NLRP11: variants seen among roughly 807,000 people sequenced by gnomAD.
The protein encoded by NLRP11 is NACHT, LRR and PYD domains-containing protein 11.
In NLRP11, 53 loss-of-function variants were observed where a neutral mutation model predicts 79.3. That is an observed-to-expected ratio of 0.67 (90% confidence interval 0.54 to 0.84). NLRP11 has a LOEUF of 0.84. NLRP11 is among the 40% of genes least tolerant of loss of function. NLRP11 has a pLI of 0.00. For synonymous variants in NLRP11, 518 were observed against 462.6 expected, an observed-to-expected ratio of 1.12 and a Z score of -1.54; for missense variants, 1,264 against 1,255.0, an observed-to-expected ratio of 1.01 and a Z score of -0.11.
At position 55,817,978 on chromosome 19, in the gene NLRP11, C is replaced by T; in HGVS notation, c.197G>A (p.Trp66Ter). ...TGAAAATATGCTGAAGAGCATATTCCATATATACTGTCCCTCATAAGAGAT... is the reference window on the plus strand; with the variant it reads ...TGAAAATATGCTGAAGAGCATATTCTATATATACTGTCCCTCATAAGAGAT... The change falls in exon 2 of 10, where the codon TGG becomes TAG. Residue 66 changes from tryptophan to a stop codon, truncating the protein, a stop_gained. Transcript: ENST00000589093. LOFTEE classifies it high-confidence loss of function. The T allele has an allele frequency of 6.2e-7, 1 of 1,610,528 alleles. No homozygotes were observed.
chr19:55,811,970 T>TACACACACACACACAC (rs3973377), intron 2 of NLRP11, among the ~76,000 whole-genome samples: 62 of 149,212 alleles, frequency 4.2e-4, no homozygotes, highest in South Asian at 3.4e-3. Context: ...TTCACACATG[T>TACACACACACACACAC]ACACACACAC....
intron 5 of NLRP11, among the ~76,000 whole-genome samples, chr19:55,796,815 A>G (rs1003047788): frequency 4.0e-5 from 6 of 151,678 alleles, no homozygotes; most frequent in Non-Finnish European, 8.8e-5. Context: ...CGGCCTCCCG[A>G]GTAGCTGGGA....
rs1437902247 is a variant in NLRP11, at chr19:55,823,394, C to T, written c.-62-5158G>A. 1.4e-4 allele frequency among the ~76,000 whole-genome samples: 19 copies of T among 138,230 alleles called. 2 individuals carry two copies. The highest frequency in any genetic ancestry group is 5.1e-4 in the Admixed American group (7 of 13,766). The allele number at this position is 138,230 out of a possible 152,430, so 90.7% of individuals were successfully genotyped here. On this transcript the variant is annotated intron_variant, in intron 1 of 9. Coordinates refer to ENST00000589093, the Ensembl canonical transcript of NLRP11. ...AAGGAACGCAGTTCCTCCCCAGAAACGGAACAAAGCTGGATGGAGAATGAC... is the reference window on the plus strand; with the variant it reads ...AAGGAACGCAGTTCCTCCCCAGAAATGGAACAAAGCTGGATGGAGAATGAC...
intron 9 of NLRP11, among the ~76,000 whole-genome samples, chr19:55,787,376 A>T (rs1051118405): frequency 6.6e-6 from 1 of 152,124 alleles, no homozygotes; most frequent in African/African-American, 2.4e-5. Flanking sequence ...TTGCTCTGTC[A>T]CCCAGGCTGG....
intron 8 of NLRP11, 41 bp downstream of exon 8, chr19:55,789,188 T>A (rs756224537): frequency 6.4e-7 from 1 of 1,564,614 alleles, no homozygotes; most frequent in South Asian, 1.2e-5. Context: ...CTTCAGCTGT[T>A]GCTAGCTAAA....
intron 4 of NLRP11, among the ~76,000 whole-genome samples, chr19:55,805,070 A>G (rs1486840550): frequency 6.6e-6 from 1 of 152,120 alleles, no homozygotes; most frequent in Non-Finnish European, 1.5e-5. Flanking sequence ...TCAAAAAATA[A>G]TAACAAATAA....
At chr19:55,804,619 A>G (rs1355263861) in intron 4 of NLRP11, among the ~76,000 whole-genome samples, 2 of 152,098 alleles carry the variant, frequency 1.3e-5, no homozygotes, top group African/African-American at 4.8e-5. Context: ...GGGAGGAGGG[A>G]GAGGATCAGG....
chr19:55,795,910 A>G (rs1198434484), intron 6 of NLRP11, among the ~76,000 whole-genome samples, 170 bp downstream of exon 6: 1 of 152,200 alleles, frequency 6.6e-6, no homozygotes, highest in African/African-American at 2.4e-5. Flanking sequence ...AACGTTTCGC[A>G]AATCAGCTGT....
At chr19:55,803,829 C>T (rs1344487474) in intron 4 of NLRP11, among the ~76,000 whole-genome samples, 1 of 152,166 alleles carries the variant, frequency 6.6e-6, no homozygotes, top group Non-Finnish European at 1.5e-5. Context: ...TGCCTGTAAT[C>T]CTAGCACTTT....
chr19:55,796,326 A>AC, intron 5 of NLRP11, 76 bp from the exon 6 acceptor site: 1 of 1,233,760 alleles, frequency 8.1e-7, no homozygotes, highest in Non-Finnish European at 1.1e-6. Context: ...AAAAAAAAAA[A>AC]AAGAGAGACC....
In NLRP11 at chr19:55,801,569, C is replaced by T; in HGVS notation, c.2171+3G>A. The T allele has an allele frequency of 6.2e-7, 1 of 1,613,768 alleles. No individual in the cohort carries two copies. The highest frequency in any genetic ancestry group is 1.3e-5 in the African/African-American group (1 of 75,042). On this transcript the variant is annotated splice_donor_region_variant and intron_variant, in intron 5 of 9. Transcript: ENST00000589093. ...CTGAGCTTTCAGCCGAGCAACAACT[C>T]ACCTCAGATGACTTATTTGGCATGT...
intron 5 of NLRP11, among the ~76,000 whole-genome samples, chr19:55,797,002 A>G (rs145544772): frequency 1.8e-3 from 279 of 151,706 alleles, no homozygotes; most frequent in African/African-American, 6.4e-3. Flanking sequence ...CTTTCTATTC[A>G]TTACTCATTC....
exon 3 of NLRP11, chr19:55,808,952 C>T (rs1307744217): frequency 2.5e-6 from 4 of 1,613,862 alleles, no homozygotes; most frequent in African/African-American, 2.7e-5. Flanking sequence ...TTCTTCTTCC[C>T]GATTCTCATA....
Position 55,809,090 on chromosome 19 carries a change from A to C in NLRP11, c.1520T>G (p.Leu507Arg). 1 of 1,613,954 alleles carries C rather than the reference A, an allele frequency of 6.2e-7. No homozygotes were observed. The change falls in exon 3 of 10, where the codon CTT becomes CGT. Residue 507 changes from leucine to arginine, a missense_variant. Transcript: ENST00000589093. The surrounding 1 kb of genome is among the most constrained non-coding windows in gnomAD (Gnocchi z 4.5). ...TAGCTGGTATCCAAAGGATGTCTCA[A>C]GAATCTTTCTCCTGTTTGCATTTAG...
intron 4 of NLRP11, among the ~76,000 whole-genome samples, chr19:55,802,226 T>C (rs1305839488): frequency 6.6e-6 from 1 of 152,178 alleles, no homozygotes. Context: ...GAAGTCAAAC[T>C]ATCACTGTTT....
At chr19:55,808,775 G>A (rs1400439210) in exon 3 of NLRP11, 2 of 1,605,294 alleles carry the variant, frequency 1.2e-6, no homozygotes, top group African/African-American at 1.3e-5. Flanking sequence ...TCACCTAGCA[G>A]TTGGCCTTAT....
intron 5 of NLRP11, among the ~76,000 whole-genome samples, chr19:55,797,211 A>C (rs1979005978): frequency 6.6e-6 from 1 of 152,166 alleles, no homozygotes; most frequent in Non-Finnish European, 1.5e-5. Context: ...AGGTGGGCGG[A>C]TCACTTGAAC....
At position 55,788,059 on chromosome 19, in the gene NLRP11, C is replaced by A. The variant is rs144787390; in HGVS notation, c.2855+748G>T. ...TCACATAGACTGTAAGATAGTGTGT[C>A]ATTGAATCCAAGTTGGTGGTAACAT... On this transcript the variant is annotated intron_variant, in intron 9 of 9. Coordinates refer to ENST00000589093, the Ensembl canonical transcript of NLRP11. 3.2e-3 allele frequency among the ~76,000 whole-genome samples: 492 copies of A among 152,258 alleles called. 1 individual carries two copies. Among genetic ancestry groups the A allele is most frequent in the African/African-American group, 0.012 (480 of 41,552 alleles).
intron 2 of NLRP11, among the ~76,000 whole-genome samples, chr19:55,817,018 T>A (rs932152437): frequency 1.3e-5 from 2 of 151,964 alleles, no homozygotes; most frequent in African/African-American, 4.8e-5. Context: ...AATAGATGCT[T>A]CTCAAAAGAA....
Sources: allele counts gnomAD v4.1 joint callset (sites outside exome capture counted in the v4.1 genomes callset), GRCh38; gene constraint gnomAD v4.1.1; non-coding constraint Gnocchi (gnomAD v3.1); transcripts MANE v1.5; gene names NCBI Gene and HGNC (gene_info 2026-07-23, HGNC 2026-07-21).